Variants in TSPAN18 observed in about 807,000 individuals in gnomAD.
TSPAN18 encodes tetraspanin 18.
Under a neutral mutation model 27.3 loss-of-function variants are expected in TSPAN18, and 14 were observed. The ratio of observed to expected loss-of-function variants is 0.51; its 90% CI spans 0.34 to 0.80. TSPAN18 has a LOEUF of 0.80. Ranked by LOEUF, TSPAN18 falls within the 30% of genes least tolerant of loss-of-function variation. The pLI is 0.01. For missense variants in TSPAN18, 268 were observed against 323.9 expected, an observed-to-expected ratio of 0.83 and a Z score of 1.32; for synonymous variants, 143 against 136.5, an observed-to-expected ratio of 1.05 and a Z score of -0.33.
intron 2 of TSPAN18, among the ~76,000 whole-genome samples, chr11:44,795,288 G>A (rs976858284): frequency 6.6e-6 from 1 of 152,132 alleles, no homozygotes; most frequent in Non-Finnish European, 1.5e-5. Context: ...ATCATCCAAG[G>A]GCTGCTGCCT....
chr11:44,867,930 G>A (rs1858084170), intron 3 of TSPAN18, among the ~76,000 whole-genome samples: 1 of 152,168 alleles, frequency 6.6e-6, no homozygotes, highest in African/African-American at 2.4e-5. Flanking sequence ...GGAGCACTGG[G>A]GAGCCATAAA....
At chr11:44,772,390 A>G (rs1855707408) in intron 2 of TSPAN18, among the ~76,000 whole-genome samples, 1 of 151,016 alleles carries the variant, frequency 6.6e-6, no homozygotes, top group Admixed American at 6.6e-5. Context: ...TGAACTTTGT[A>G]TGTATAACCA....
At chr11:44,851,612 A>AACCC (rs1857602408) in intron 2 of TSPAN18, among the ~76,000 whole-genome samples, 1 of 110,800 alleles carries the variant, frequency 9.0e-6, no homozygotes. Context: ...TACTCTTGTC[A>AACCC]CCTCCCCCCC....
intron 2 of TSPAN18, among the ~76,000 whole-genome samples, chr11:44,807,527 C>CAAAAAAAAAAAAAAAAAAAA (rs59241339): frequency 3.1e-5 from 2 of 64,482 alleles, no homozygotes; most frequent in African/African-American, 1.5e-4. Context: ...AACTCCATCT[C>CAAAAAAAAAAAAAAAAAAAA]AAAAAAAAAA....
Position 44,909,780 on chromosome 11 carries a change from G to T in TSPAN18, c.139G>T (p.Ala47Ser), listed in dbSNP as rs1273556723. The T allele has an allele frequency of 1.2e-6, 2 of 1,613,966 alleles. No individual in the cohort carries two copies. The highest frequency in any genetic ancestry group is 1.7e-6 in the Non-Finnish European group (2 of 1,180,030). Reference sequence around the variant, plus strand: ...CACCGGCTTCCGGGAGATCGTGGCTGCCAATCCTCTGCTCCTCACGGGCGC... The same window carrying T: ...CACCGGCTTCCGGGAGATCGTGGCTTCCAATCCTCTGCTCCTCACGGGCGC... The part of the protein sequence containing the change: ...DPTGFREIVA[A>S]NPLLLTGAYI... Residue 47 changes from alanine to serine, a missense_variant, in exon 5 of 10, where the codon GCC becomes TCC. By Grantham distance (99) the Ala-to-Ser change is moderately conservative. Transcript: ENST00000520358.
intron 4 of TSPAN18, among the ~76,000 whole-genome samples, chr11:44,906,735 C>T (rs1299085230): frequency 6.6e-6 from 1 of 152,124 alleles, no homozygotes; most frequent in Admixed American, 6.5e-5. Flanking sequence ...GTGGAGGGGA[C>T]CTAGGTCCGG....
chr11:44,784,286 T>C (rs1856006398), intron 2 of TSPAN18, among the ~76,000 whole-genome samples: 1 of 152,132 alleles, frequency 6.6e-6, no homozygotes, highest in Admixed American at 6.5e-5. Flanking sequence ...CCCAGTGACA[T>C]ATGAGGACCA....
At chr11:44,858,230 C>T (rs1482069321) in intron 2 of TSPAN18, among the ~76,000 whole-genome samples, 1 of 152,224 alleles carries the variant, frequency 6.6e-6, no homozygotes, top group Non-Finnish European at 1.5e-5. Context: ...CCCACTCCCA[C>T]ATCTGGGTAT....
At chr11:44,803,337 G>T (rs931545967) in intron 2 of TSPAN18, among the ~76,000 whole-genome samples, 2 of 146,666 alleles carry the variant, frequency 1.4e-5, no homozygotes, top group African/African-American at 5.0e-5. Flanking sequence ...GAAAGCATGG[G>T]TTGGGGGGGC....
chr11:44,880,288 T>C (rs1228410421), intron 3 of TSPAN18, among the ~76,000 whole-genome samples: 1 of 152,164 alleles, frequency 6.6e-6, no homozygotes, highest in Non-Finnish European at 1.5e-5. Flanking sequence ...GCAGCCTTGG[T>C]GCCAGGTCCC....
intron 1 of TSPAN18, among the ~76,000 whole-genome samples, chr11:44,748,455 G>C (rs1855133999): frequency 6.6e-6 from 1 of 151,718 alleles, no homozygotes; most frequent in African/African-American, 2.4e-5. Context: ...CAGATGATCT[G>C]AGATAAGATT....
chr11:44,851,616 C>T lies in TSPAN18; in HGVS notation c.-152-8712C>T, dbSNP rs182393229. Among the ~76,000 whole-genome samples the T allele has an allele frequency of 8.6e-4, 109 of 127,382 alleles. 5 individuals carry two copies. The highest frequency in any genetic ancestry group is 1.6e-3 in the Non-Finnish European group (89 of 53,954). The allele number at this position is 127,382 out of a possible 152,430, so 83.6% of individuals were successfully genotyped here. ...GTTAGCCCAGGTACTCTTGTCACCT[C>T]CCCCCCCCAACGGCTGGGTCCCTGT... On this transcript the variant is annotated intron_variant, in intron 2 of 9. Coordinates refer to ENST00000520358, the MANE Select transcript of TSPAN18 (RefSeq NM_130783.5).
chr11:44,926,739 C>A lies in TSPAN18; in HGVS notation c.681C>A (p.Ile227=). 1.2e-6 allele frequency: 2 copies of A among 1,614,122 alleles called. No individual in the cohort carries two copies. Residue 227 remains isoleucine (I), a synonymous_variant, in exon 9 of 10, where the codon ATC becomes ATA. Transcript: ENST00000520358. ...TCTACTTGGCCGGAGCCCTTGCCAT[C>A]GGGGTACTGGCCATCGAGGTAAGTA... The part of the protein sequence containing the change: ...TYVYLAGALA[I]GVLAIELFAM...
chr11:44,839,154 T>G (rs1857319102), intron 2 of TSPAN18, among the ~76,000 whole-genome samples: 2 of 152,234 alleles, frequency 1.3e-5, no homozygotes, highest in South Asian at 2.1e-4. Flanking sequence ...CCAACCCGAC[T>G]GTTTACCCTA....
chr11:44,749,996 TG>T (rs1855174500), intron 1 of TSPAN18, among the ~76,000 whole-genome samples: 1 of 152,196 alleles, frequency 6.6e-6, no homozygotes, highest in Admixed American at 6.5e-5. Context: ...GAAGCAGGCA[TG>T]GGGGCTGCTC....
chr11:44,749,474 G>A (rs1322990776), intron 1 of TSPAN18, among the ~76,000 whole-genome samples: 2 of 152,182 alleles, frequency 1.3e-5, no homozygotes, highest in Non-Finnish European at 2.9e-5. Context: ...ATTCCCAAGT[G>A]ACATTGCACA....
intron 2 of TSPAN18, among the ~76,000 whole-genome samples, chr11:44,852,000 C>T (rs189179737): frequency 1.2e-3 from 178 of 152,284 alleles, no homozygotes; most frequent in African/African-American, 4.3e-3. Flanking sequence ...TTTCTGTGCC[C>T]TCCCCCAATG....
At chr11:44,751,963 C>T (rs924830608) in intron 1 of TSPAN18, among the ~76,000 whole-genome samples, 1 of 151,582 alleles carries the variant, frequency 6.6e-6, no homozygotes, top group Non-Finnish European at 1.5e-5. Flanking sequence ...ATCTCAGCTA[C>T]CTAAAGCTAA....
chr11:44,930,815 G>C lies in TSPAN18; in HGVS notation c.*1637G>C, dbSNP rs11038221. On this transcript the variant is annotated 3_prime_UTR_variant, in exon 10 of 10. Transcript: ENST00000520358. Reference sequence around the variant, plus strand: ...TGTCTGCCACGGGCAGGGATGGAAGGAGCAGTGTGATGTCTGCTCTCTTCT... The same window carrying C: ...TGTCTGCCACGGGCAGGGATGGAAGCAGCAGTGTGATGTCTGCTCTCTTCT... 7,086 of 481,680 alleles carry C rather than the reference G, an allele frequency of 0.015. 458 individuals carry two copies. The highest frequency in any genetic ancestry group is 0.13 in the African/African-American group (6,453 of 50,498). 29.8% of individuals were successfully genotyped at this position (481,680 alleles called of 1,614,324 possible).
Sources: gnomAD v4.1 joint callset for allele counts (sites outside exome capture counted in the v4.1 genomes callset) on GRCh38, gnomAD v4.1.1 for gene constraint, MANE v1.5 for transcripts, NCBI Gene and HGNC (gene_info 2026-07-23, HGNC 2026-07-21) for gene names.